The following SLIRP variants were observed in gnomAD, a reference collection of about 807,000 sequenced individuals.
SLIRP encodes SRA stem-loop-interacting RNA-binding protein, mitochondrial.
A neutral mutation model predicts 13.4 loss-of-function variants in SLIRP; 12 were observed. That is an observed-to-expected ratio of 0.89 (90% CI 0.57 to 1.45). The LOEUF (loss-of-function observed/expected upper bound fraction) is 1.45. Ranked by LOEUF, SLIRP falls within the 40% of genes most tolerant of loss-of-function variation. The pLI, the probability that SLIRP is intolerant of heterozygous loss-of-function variation, is 0.00. For missense variants in SLIRP, 154 were observed against 132.2 expected, an observed-to-expected ratio of 1.17 and a Z score of -0.81; for synonymous variants, 55 against 47.1, an observed-to-expected ratio of 1.17 and a Z score of -0.69.
At position 77,715,106 on chromosome 14, in the gene SLIRP, CA is replaced by C. The variant is rs2080466519; in HGVS notation, c.157-664del. 3.3e-5 allele frequency among the ~76,000 whole-genome samples: 5 copies of C among 152,122 alleles called. No homozygotes were observed. In the South Asian group the frequency reaches 1.0e-3, roughly 32 times the overall value. ...GGGTGACTGGATTCAGAAATGAGTG[CA>C]ACAAGGCTTTGAGGCTTAATTTTCT... On this transcript the variant is annotated intron_variant, in intron 2 of 3. Transcript: ENST00000557342.
intron 2 of SLIRP, among the ~76,000 whole-genome samples, chr14:77,713,394 TAAC>T (rs1399423080): frequency 6.6e-6 from 1 of 152,084 alleles, no homozygotes; most frequent in Non-Finnish European, 1.5e-5. Flanking sequence ...TGTGGTAAAA[TAAC>T]AACATAAAGG....
At chr14:77,716,045 G>A (rs576722766) in intron 3 of SLIRP, 166 bp downstream of exon 3, 239 of 592,716 alleles carry the variant, frequency 4.0e-4, no homozygotes, top group African/African-American at 2.1e-3. Flanking sequence ...GGCTGGGCAC[G>A]GTGGCTCACG....
intron 3 of SLIRP, chr14:77,716,261 G>A (rs1385930984): frequency 6.2e-6 from 1 of 160,854 alleles, no homozygotes. Context: ...AGCCTGCAGT[G>A]AGCCGAGATT....
intron 1 of SLIRP, among the ~76,000 whole-genome samples, chr14:77,708,495 A>G (rs368391790): frequency 3.3e-5 from 5 of 152,312 alleles, no homozygotes; most frequent in African/African-American, 1.2e-4. Flanking sequence ...TTTTGACTGT[A>G]GTGTGGAGGA....
rs1202770121 is a variant in SLIRP at position 77,715,812 on chromosome 14, A to G, written c.197A>G (p.Gln66Arg). The G allele has an allele frequency of 4.3e-6, 7 of 1,614,146 alleles. No individual in the cohort carries two copies. The highest frequency in any genetic ancestry group is 1.7e-5 in the Admixed American group (1 of 60,018). The change falls in exon 3 of 4, where the codon CAG becomes CGG. Residue 66 changes from glutamine (Q) to arginine (R), a missense_variant. Coordinates refer to ENST00000557342, the MANE Select transcript of SLIRP (RefSeq NM_031210.6). ...TTTCACAGAGGTTTGGGTTGGGTTC[A>G]GTTTTCTTCAGAAGAAGGACTTCGG... ...TGFHRGLGWV[Q>R]FSSEEGLRNA...
rs370744492 is a variant in SLIRP, at chr14:77,708,147, G to T, written c.36G>T (p.Leu12=). ...CAGCAGCGAGAGGTGCTGCGGCGCT[G>T]CGTAGAAGTATCAATCAGCCGGTTG... The part of the protein sequence containing the change: ...AASAARGAAA[L]RRSINQPVAF... Residue 12 remains leucine, a synonymous_variant, in exon 1 of 4, where the codon CTG becomes CTT. Coordinates refer to ENST00000557342, the MANE Select transcript of SLIRP (RefSeq NM_031210.6). 3.1e-6 allele frequency: 5 copies of T among 1,614,058 alleles called. No individual in the cohort carries two copies. The highest frequency in any genetic ancestry group is 4.2e-6 in the Non-Finnish European group (5 of 1,180,028).
intron 1 of SLIRP, among the ~76,000 whole-genome samples, chr14:77,710,068 A>G: frequency 6.6e-6 from 1 of 152,338 alleles, no homozygotes. Context: ...AGATATTATA[A>G]AAAGTAAATC....
At chr14:77,715,501 C>A (rs1265567098) in intron 2 of SLIRP, among the ~76,000 whole-genome samples, 1 of 151,726 alleles carries the variant, frequency 6.6e-6, no homozygotes, top group Non-Finnish European at 1.5e-5. Flanking sequence ...AAAAATGAGG[C>A]AGACATGGTG....
intron 1 of SLIRP, chr14:77,710,485 A>T: frequency 1.0e-6 from 1 of 956,282 alleles, no homozygotes; most frequent in Non-Finnish European, 1.5e-6. Flanking sequence ...TTTTATTTGG[A>T]AATCTTCAGT....
chr14:77,715,366 G>A (rs2080468072), intron 2 of SLIRP, among the ~76,000 whole-genome samples: 1 of 152,144 alleles, frequency 6.6e-6, no homozygotes, highest in African/African-American at 2.4e-5. Context: ...ATTTTTGGCT[G>A]GGCATGGTGG....
intron 2 of SLIRP, among the ~76,000 whole-genome samples, chr14:77,712,849 C>A (rs176949): frequency 0.079 from 12,067 of 152,202 alleles, 756 homozygotes; most frequent in East Asian, 0.17. Context: ...TTCCTTGTTA[C>A]CTAGTTTATC....
chr14:77,717,578 TAAA>T lies in SLIRP; in HGVS notation c.*18_*20del. The T allele has an allele frequency of 1.2e-6, 2 of 1,600,334 alleles. No individual in the cohort carries two copies. Among genetic ancestry groups the T allele is most frequent in the Non-Finnish European group, 1.7e-6 (2 of 1,169,628 alleles). ...GATTTTTGAGACTGCAGCCTATTAATAAAGTTAACATAACTGAGAATTTTGTCT... is the reference window on the plus strand; with the variant it reads ...GATTTTTGAGACTGCAGCCTATTAATGTTAACATAACTGAGAATTTTGTCT... On this transcript the variant is annotated 3_prime_UTR_variant, in exon 4 of 4. Coordinates refer to ENST00000557342, the MANE Select transcript of SLIRP (RefSeq NM_031210.6).
At chr14:77,716,642 CAAAAAAAAA>C (rs56736320) in intron 3 of SLIRP, among the ~76,000 whole-genome samples, 1 of 80,972 alleles carries the variant, frequency 1.2e-5, no homozygotes, top group Non-Finnish European at 2.3e-5. Context: ...AACTCCATCT[CAAAAAAAAA>C]AAAAAAAAAA....
intron 2 of SLIRP, among the ~76,000 whole-genome samples, chr14:77,712,321 G>A (rs994988233): frequency 1.8e-4 from 27 of 148,476 alleles, no homozygotes; most frequent in African/African-American, 6.7e-4. Flanking sequence ...TGCCTAAGCT[G>A]GAGTTGCAGT....
chr14:77,708,728 G>A (rs1384201073), intron 1 of SLIRP, among the ~76,000 whole-genome samples: 3 of 152,184 alleles, frequency 2.0e-5, no homozygotes, highest in Non-Finnish European at 4.4e-5. Context: ...TTTAGCATTG[G>A]TGAATTGTTT....
At chr14:77,713,474 T>C (rs192518393) in intron 2 of SLIRP, among the ~76,000 whole-genome samples, 4 of 152,354 alleles carry the variant, frequency 2.6e-5, no homozygotes, top group Admixed American at 2.6e-4. Context: ...TAGTTATATA[T>C]AGTGCCGGTG....
chr14:77,712,774 G>A (rs2080450873), intron 2 of SLIRP, among the ~76,000 whole-genome samples: 1 of 152,114 alleles, frequency 6.6e-6, no homozygotes, highest in African/African-American at 2.4e-5. Flanking sequence ...TAGGACTGAG[G>A]TCTGTTTTCT....
intron 1 of SLIRP, among the ~76,000 whole-genome samples, chr14:77,708,913 C>G (rs10143534): frequency 2.8e-4 from 42 of 152,120 alleles, no homozygotes; most frequent in Admixed American, 7.2e-4. Flanking sequence ...GCCATTTAAT[C>G]GTTGTTATCA....
At chr14:77,711,578 CAG>C (rs1452173057) in intron 2 of SLIRP, among the ~76,000 whole-genome samples, 1 of 151,848 alleles carries the variant, frequency 6.6e-6, no homozygotes, top group African/African-American at 2.4e-5. Context: ...CTTTAAGAGA[CAG>C]GGTCTTGTTC....
Sources: gnomAD v4.1 joint callset for allele counts (sites outside exome capture counted in the v4.1 genomes callset) on GRCh38, gnomAD v4.1.1 for gene constraint, MANE v1.5 for transcripts, NCBI Gene and HGNC (gene_info 2026-07-23, HGNC 2026-07-21) for gene names.